NLRC5: variants seen among roughly 807,000 people sequenced by gnomAD.
NLRC5 encodes protein NLRC5.
NLRC5 carries 114 observed loss-of-function variants against 206.9 expected under a neutral mutation model. That is an observed-to-expected ratio of 0.55 (90% CI 0.47 to 0.64). The LOEUF (loss-of-function observed/expected upper bound fraction) is 0.64, where lower values mean the gene tolerates loss of function less well. Among genes scored for constraint, NLRC5 ranks in the 30% least tolerant of loss-of-function variants. The pLI is 0.00. For missense variants in NLRC5, 2,008 were observed against 2,305.5 expected, an observed-to-expected ratio of 0.87 and a Z score of 2.64; for synonymous variants, 952 against 962.8, an observed-to-expected ratio of 0.99 and a Z score of 0.21.
At position 57,070,028 on chromosome 16, in the gene NLRC5, C is replaced by T; in HGVS notation, c.4583+109C>T. The T allele has an allele frequency of 7.3e-6, 6 of 824,554 alleles. No individual in the cohort carries two copies. The South Asian group carries it at 9.7e-5, about 13-fold the overall frequency. 51.1% of individuals were successfully genotyped at this position (824,554 alleles called of 1,614,324 possible). A position where few individuals can be genotyped will look rare whatever the true frequency, so the allele number is the denominator to read the frequency against. On this transcript the variant is annotated intron_variant, in intron 37 of 48. Coordinates refer to ENST00000688547, the MANE Select transcript of NLRC5 (RefSeq NM_001384950.1). ...CAGGCAATGAGACTTCAACCAATGA[C>T]CCTTCCCCTGATGAAGTGCAGCAGT... is the stretch of plus-strand genomic sequence containing the variant.
At position 57,079,298 on chromosome 16, in the gene NLRC5, T is replaced by C. The variant is rs190737526; in HGVS notation, c.5237+6T>C. On this transcript the variant is annotated splice_donor_region_variant and intron_variant, in intron 45 of 48. Transcript: ENST00000688547. Reference sequence around the variant, plus strand: ...CCGCTGCTCAGACAGATAGAGTAAGTAGCCTCCCCTGCCTGCCTAGGGGAC... The same window carrying C: ...CCGCTGCTCAGACAGATAGAGTAAGCAGCCTCCCCTGCCTGCCTAGGGGAC... 1.5e-3 allele frequency: 2,361 copies of C among 1,613,162 alleles called. 21 individuals carry two copies. The African/African-American group carries it at 0.026, about 18-fold the overall frequency.
At chr16:56,993,941 T>C (rs1190121883) in intron 1 of NLRC5, among the ~76,000 whole-genome samples, 1 of 147,406 alleles carries the variant, frequency 6.8e-6, no homozygotes. Flanking sequence ...GTATTATATA[T>C]GGGATGTTTT....
At chr16:56,996,116 T>C (rs1339459248) in intron 1 of NLRC5, among the ~76,000 whole-genome samples, 1 of 152,146 alleles carries the variant, frequency 6.6e-6, no homozygotes, top group Non-Finnish European at 1.5e-5. Flanking sequence ...TCTGCAGCAA[T>C]ACCCAGCTAC....
chr16:57,008,788 A>G (rs1353002554), intron 1 of NLRC5, among the ~76,000 whole-genome samples: 1 of 152,200 alleles, frequency 6.6e-6, no homozygotes, highest in African/African-American at 2.4e-5. Context: ...ATTTTAAAGA[A>G]TAACAAACAG....
intron 24 of NLRC5, 43 bp from the exon 25 acceptor site, chr16:57,054,708 C>T (rs369198321): frequency 5.6e-5 from 83 of 1,489,332 alleles, no homozygotes; most frequent in Non-Finnish European, 7.6e-5. Context: ...AGCCAGGTTC[C>T]TTGTCCACTC....
chr16:57,026,283 GCCC>G lies in NLRC5; in HGVS notation c.1344_1346del (p.Pro449del), dbSNP rs772651939. 4 of 1,613,854 alleles carry G rather than the reference GCCC, an allele frequency of 2.5e-6. No individual in the cohort carries two copies. The highest frequency in any genetic ancestry group is 3.4e-6 in the Non-Finnish European group (4 of 1,180,032). On this transcript the variant is annotated inframe_deletion, in exon 6 of 49. Coordinates refer to ENST00000688547, the MANE Select transcript of NLRC5 (RefSeq NM_001384950.1). ...TATATGCAGATGGTGCTCGCCCTCA[GCCC>G]CCCTGGGCACTTGCCCACCTCGTCC...
intron 32 of NLRC5, chr16:57,062,760 A>G (rs543852086): frequency 6.6e-6 from 1 of 152,396 alleles, no homozygotes; most frequent in Non-Finnish European, 1.5e-5. Flanking sequence ...ATTATTATAA[A>G]ATACACATAA....
At chr16:57,007,256 A>C (rs2059017497) in intron 1 of NLRC5, among the ~76,000 whole-genome samples, 1 of 151,724 alleles carries the variant, frequency 6.6e-6, no homozygotes, top group Admixed American at 6.6e-5. Context: ...AAATATACAC[A>C]CTCCACGTCC....
chr16:56,994,992 T>C (rs1447759358), intron 1 of NLRC5, among the ~76,000 whole-genome samples: 2 of 152,132 alleles, frequency 1.3e-5, no homozygotes, highest in Non-Finnish European at 2.9e-5. Flanking sequence ...CTGGCCAACA[T>C]GGAGAAGCCC....
rs1335089526 is a variant in NLRC5 at position 57,079,425 on chromosome 16, A to G, written c.5238-121A>G. The G allele has an allele frequency of 2.2e-6, 3 of 1,377,446 alleles. No homozygotes were observed. The African/African-American group carries it at 4.3e-5, about 20-fold the overall frequency. The allele number at this position is 1,377,446 out of a possible 1,614,324, so 85.3% of individuals were successfully genotyped here. A position where few individuals can be genotyped will look rare whatever the true frequency, so the allele number is the denominator to read the frequency against. On this transcript the variant is annotated intron_variant, in intron 45 of 48. Transcript: ENST00000688547. ...GGGATGGTGGGGGCCTGGCTCAAGA[A>G]AGGAAGTCTTTCCTAAAACGCCTAG...
chr16:57,060,640 AACAC>A (rs144012212), intron 30 of NLRC5, among the ~76,000 whole-genome samples: 4 of 149,860 alleles, frequency 2.7e-5, no homozygotes, highest in Admixed American at 1.3e-4. Context: ...CCACATACAC[AACAC>A]ACACACACAC....
At chr16:57,071,277 T>A (rs1462161177) in intron 38 of NLRC5, among the ~76,000 whole-genome samples, 1 of 102,908 alleles carries the variant, frequency 9.7e-6, no homozygotes, top group Non-Finnish European at 2.0e-5. Context: ...AGTTGTGGGG[T>A]TGGTTAATGG....
chr16:57,009,524 T>C (rs1476772645), intron 1 of NLRC5, among the ~76,000 whole-genome samples: 3 of 151,090 alleles, frequency 2.0e-5, no homozygotes, highest in South Asian at 4.2e-4. Context: ...ACCTGGGAGG[T>C]GGAGGTTGCA....
intron 1 of NLRC5, among the ~76,000 whole-genome samples, chr16:56,998,948 C>A (rs2057947472): frequency 6.6e-6 from 1 of 152,226 alleles, no homozygotes; most frequent in Non-Finnish European, 1.5e-5. Context: ...TAACAAAGTG[C>A]CAGAGACTGG....
intron 23 of NLRC5, 145 bp from the exon 24 acceptor site, chr16:57,051,393 G>C: frequency 1.5e-6 from 1 of 666,858 alleles, no homozygotes; most frequent in East Asian, 2.5e-5. Flanking sequence ...CCAGCCTCAC[G>C]GATAACCCAT....
intron 20 of NLRC5, chr16:57,045,230 T>C: frequency 1.8e-6 from 1 of 567,588 alleles, no homozygotes; most frequent in Non-Finnish European, 3.2e-6. Context: ...AAGAAGAATT[T>C]CTTACCTCAT....
chr16:57,030,101 G>C lies in NLRC5; in HGVS notation c.2417+17G>C, dbSNP rs773039263. The C allele has an allele frequency of 1.2e-6, 2 of 1,607,446 alleles. No homozygotes were observed. The highest frequency in any genetic ancestry group is 8.5e-7 in the Non-Finnish European group (1 of 1,173,958). ...TCAGGCCAGGTGAGCAGAAGGAAAGGGATCTTGGCCTTATGGGCCTTGAGA... is the reference window on the plus strand; with the variant it reads ...TCAGGCCAGGTGAGCAGAAGGAAAGCGATCTTGGCCTTATGGGCCTTGAGA... On this transcript the variant is annotated intron_variant, in intron 10 of 48. Transcript: ENST00000688547.
chr16:57,060,436 C>T (rs72775177), intron 30 of NLRC5, among the ~76,000 whole-genome samples: 37,778 of 151,406 alleles, frequency 0.25, 5,093 homozygotes, highest in East Asian at 0.5. Flanking sequence ...CCACACAGCA[C>T]GCAGCACACA....
chr16:57,053,929 GA>G (rs1414792091), intron 24 of NLRC5, among the ~76,000 whole-genome samples: 1 of 152,178 alleles, frequency 6.6e-6, no homozygotes, highest in Non-Finnish European at 1.5e-5. Flanking sequence ...GCAGCAGGGT[GA>G]AGGGTGCTGG....
Sources: allele counts gnomAD v4.1 joint callset (sites outside exome capture counted in the v4.1 genomes callset), GRCh38; gene constraint gnomAD v4.1.1; transcripts MANE v1.5; gene names NCBI Gene and HGNC (gene_info 2026-07-23, HGNC 2026-07-21).